The following SORCS2 variants were observed in gnomAD, a reference collection of about 807,000 sequenced individuals.
The protein encoded by SORCS2 is sortilin related VPS10 domain containing receptor 2, also known as VPS10 domain-containing receptor SorCS2.
SORCS2 carries 100 observed loss-of-function variants against 141.6 expected under a neutral mutation model. The observed-to-expected ratio is 0.71, with a 90% confidence interval of 0.60 to 0.83. The LOEUF is 0.83. Ranked by LOEUF, SORCS2 falls within the 40% of genes least tolerant of loss-of-function variation. The pLI, the probability that SORCS2 is intolerant of heterozygous loss-of-function variation, is 0.00. For missense variants in SORCS2, 1,646 were observed against 1,560.2 expected, an observed-to-expected ratio of 1.05 and a Z score of -0.93; for synonymous variants, 789 against 676.9, an observed-to-expected ratio of 1.17 and a Z score of -2.57.
intron 26 of SORCS2, among the ~76,000 whole-genome samples, chr4:7,738,324 C>T (rs1425973920): frequency 1.3e-5 from 2 of 152,230 alleles, no homozygotes; most frequent in Admixed American, 6.5e-5. Flanking sequence ...ACTTTCCATG[C>T]CTGTCTCAGC....
intron 3 of SORCS2, among the ~76,000 whole-genome samples, chr4:7,620,243 G>A (rs554066831): frequency 6.6e-6 from 1 of 152,258 alleles, no homozygotes; most frequent in East Asian, 1.9e-4. Flanking sequence ...GTTTTCTTTG[G>A]TCTAAAAATA....
At chr4:7,425,604 C>T (rs138362113) in intron 2 of SORCS2, among the ~76,000 whole-genome samples, 17 of 152,326 alleles carry the variant, frequency 1.1e-4, no homozygotes, top group African/African-American at 3.8e-4. Flanking sequence ...GCTTCTGAGC[C>T]GTCAAATGGT....
At chr4:7,296,062 T>C (rs1052185686) in intron 1 of SORCS2, among the ~76,000 whole-genome samples, 16 of 152,096 alleles carry the variant, frequency 1.1e-4, no homozygotes, top group Non-Finnish European at 1.9e-4. Flanking sequence ...CAGGGAGAAA[T>C]GCGATGCAGA....
chr4:7,418,050 C>T (rs1725809646), intron 2 of SORCS2, among the ~76,000 whole-genome samples: 2 of 152,314 alleles, frequency 1.3e-5, no homozygotes, highest in South Asian at 4.1e-4. Flanking sequence ...TGTCAGGTGC[C>T]ATCAGCTGGA....
chr4:7,603,844 TA>T (rs1717889924), intron 3 of SORCS2, among the ~76,000 whole-genome samples: 1 of 152,164 alleles, frequency 6.6e-6, no homozygotes, highest in African/African-American at 2.4e-5. Flanking sequence ...TGGGGTCTGG[TA>T]AAGGGAATTC....
chr4:7,721,460 C>T (rs903706688), intron 18 of SORCS2, among the ~76,000 whole-genome samples: 1 of 151,732 alleles, frequency 6.6e-6, no homozygotes, highest in Non-Finnish European at 1.5e-5. Flanking sequence ...AGTGAGATCC[C>T]GTCTTAAAAA....
At chr4:7,284,889 A>G in intron 1 of SORCS2, among the ~76,000 whole-genome samples, 1 of 152,034 alleles carries the variant, frequency 6.6e-6, no homozygotes. Context: ...TGGTGGCCCC[A>G]GGTATCTCTT....
intron 11 of SORCS2, among the ~76,000 whole-genome samples, chr4:7,694,152 A>C (rs1397242773): frequency 6.6e-6 from 1 of 152,142 alleles, no homozygotes; most frequent in Non-Finnish European, 1.5e-5. Context: ...GGAAGGATGG[A>C]GAGGAAGCAT....
At chr4:7,640,422 T>G (rs1291211239) in intron 4 of SORCS2, among the ~76,000 whole-genome samples, 2 of 99,670 alleles carry the variant, frequency 2.0e-5, no homozygotes, top group African/African-American at 7.9e-5. Context: ...GTGTGTGTGA[T>G]CGTGTGTGTG....
At chr4:7,615,951 C>G (rs1718730633) in intron 3 of SORCS2, among the ~76,000 whole-genome samples, 2 of 152,184 alleles carry the variant, frequency 1.3e-5, no homozygotes, top group South Asian at 4.1e-4. Flanking sequence ...TAGTATATCA[C>G]AAATATTGCA....
At position 7,550,138 on chromosome 4, in the gene SORCS2, G is replaced by GTA. The variant is rs1309352942; in HGVS notation, c.648+18510_648+18511insAT. On this transcript the variant is annotated intron_variant, in intron 3 of 26. Coordinates refer to ENST00000507866, the MANE Select transcript of SORCS2 (RefSeq NM_020777.3). Reference sequence around the variant, plus strand: ...TGTGTGTGTGTATGTGTGTATGTGTGTGTGTGTGTGTGTGTGTGTGTGTAT... The same window carrying GTA: ...TGTGTGTGTGTATGTGTGTATGTGTGTATGTGTGTGTGTGTGTGTGTGTGTAT... Among the ~76,000 whole-genome samples, 10 of 24,340 alleles carry GTA rather than the reference G, an allele frequency of 4.1e-4. No homozygotes were observed. In the East Asian group the frequency reaches 0.023, roughly 57 times the overall value. The allele number at this position is 24,340 out of a possible 152,430, so 16.0% of individuals were successfully genotyped here. A position where few individuals can be genotyped will look rare whatever the true frequency, so the allele number is the denominator to read the frequency against.
At chr4:7,381,643 A>T (rs1291400671) in intron 1 of SORCS2, among the ~76,000 whole-genome samples, 1 of 151,976 alleles carries the variant, frequency 6.6e-6, no homozygotes, top group East Asian at 1.9e-4. Flanking sequence ...AATGATGTAA[A>T]CCTTCTCTTT....
At chr4:7,367,292 G>T (rs1246265523) in intron 1 of SORCS2, among the ~76,000 whole-genome samples, 4 of 152,194 alleles carry the variant, frequency 2.6e-5, no homozygotes, top group Admixed American at 2.0e-4. Context: ...CCAGAGAATG[G>T]TGACCCGGCA....
In SORCS2 at chr4:7,714,366, T is replaced by A. The variant is rs549403213; in HGVS notation, c.2116T>A (p.Phe706Ile). 6.4e-7 allele frequency: 1 copy of A among 1,553,774 alleles called. No individual in the cohort carries two copies. The highest frequency in any genetic ancestry group is 1.4e-5 in the African/African-American group (1 of 73,318). Residue 706 changes from phenylalanine (F) to isoleucine (I), a missense_variant, in exon 16 of 27, where the codon TTC becomes ATC. Coordinates refer to ENST00000507866, the MANE Select transcript of SORCS2 (RefSeq NM_020777.3). ...CGTGTGCGAGTGCCGGGACTCGGAC[T>A]TCCTGTGGTGAGCGACGGGCTCCTG... Reference protein sequence around the residue: ...SRVCECRDSDFLCDYGFERSS... With the variant: ...SRVCECRDSDILCDYGFERSS...
chr4:7,434,930 T>C (rs1292369776), intron 2 of SORCS2: 1 of 1,472,438 alleles, frequency 6.8e-7, no homozygotes. Context: ...GCTGCTGCTA[T>C]AAACCTGGCT....
At chr4:7,243,780 C>T (rs1411562608) in intron 1 of SORCS2, among the ~76,000 whole-genome samples, 3 of 152,354 alleles carry the variant, frequency 2.0e-5, no homozygotes, top group Admixed American at 1.3e-4. Context: ...AGTTCGCAGA[C>T]GCCAGGCAAG....
intron 1 of SORCS2, among the ~76,000 whole-genome samples, chr4:7,209,961 A>G (rs894934142): frequency 2.0e-5 from 3 of 152,160 alleles, no homozygotes; most frequent in African/African-American, 7.2e-5. Flanking sequence ...GTTGGGACCG[A>G]GCATGGTCCA....
At chr4:7,731,877 A>G (rs1202085071) in intron 23 of SORCS2, among the ~76,000 whole-genome samples, 1 of 152,250 alleles carries the variant, frequency 6.6e-6, no homozygotes, top group Non-Finnish European at 1.5e-5. Context: ...GTGAAAAACT[A>G]TGCATCAGTT....
intron 1 of SORCS2, among the ~76,000 whole-genome samples, chr4:7,387,627 GCA>G (rs147471470): frequency 5.5e-5 from 5 of 91,534 alleles, no homozygotes; most frequent in Non-Finnish European, 8.2e-5. Context: ...ATACACATTT[GCA>G]CACACGCACA....
Sources: allele counts gnomAD v4.1 joint callset (sites outside exome capture counted in the v4.1 genomes callset), GRCh38; gene constraint gnomAD v4.1.1; transcripts MANE v1.5; gene names NCBI Gene and HGNC (gene_info 2026-07-23, HGNC 2026-07-21).